Variants in MDM4 observed in about 807,000 individuals in gnomAD.
The protein encoded by MDM4 is MDM4 regulator of p53.
Under a neutral mutation model 60.2 loss-of-function variants are expected in MDM4, and 2 were observed. The ratio of observed to expected loss-of-function variants is 0.03; its 90% CI spans 0.01 to 0.10. The LOEUF (loss-of-function observed/expected upper bound fraction) is 0.10, where lower values mean the gene tolerates loss of function less well. MDM4 is among the 10% of genes least tolerant of loss of function. The pLI, the probability that MDM4 is intolerant of heterozygous loss-of-function variation, is 1.00. For missense variants in MDM4, 447 were observed against 577.5 expected (o/e 0.77, Z 2.32); for synonymous variants, 202 against 198.1 (o/e 1.02, Z -0.17).
rs1238036783 is a variant in MDM4, at chr1:204,556,194, C to G, written c.*6512C>G. 1.3e-5 allele frequency: 3 copies of G among 225,498 alleles called. No homozygotes were observed. Among genetic ancestry groups the G allele is most frequent in the Non-Finnish European group, 2.6e-5 (3 of 113,346 alleles). 14.0% of individuals were successfully genotyped at this position (225,498 alleles called of 1,614,324 possible). A position where few individuals can be genotyped will look rare whatever the true frequency, so the allele number is the denominator to read the frequency against. ...TGGATATTGCTTTTATACCAAAGAC[C>G]CTTATCAGCCCTTGTAACTACAGTA... On this transcript the variant is annotated 3_prime_UTR_variant, in exon 11 of 11. Coordinates refer to ENST00000367182, the MANE Select transcript of MDM4 (RefSeq NM_002393.5).
At chr1:204,547,765 C>T (rs565964673) in intron 10 of MDM4, among the ~76,000 whole-genome samples, 18 of 152,260 alleles carry the variant, frequency 1.2e-4, no homozygotes, top group Non-Finnish European at 2.4e-4. Context: ...CTCTTGTTGC[C>T]AAGGTTGGAA....
chr1:204,545,401 A>C (rs548499234), intron 9 of MDM4, among the ~76,000 whole-genome samples: 2 of 152,208 alleles, frequency 1.3e-5, no homozygotes, highest in Non-Finnish European at 2.9e-5. Context: ...GTACAGATGA[A>C]GAGTCATACA....
At chr1:204,541,637 A>G (rs1477292585) in intron 7 of MDM4, among the ~76,000 whole-genome samples, 1 of 152,104 alleles carries the variant, frequency 6.6e-6, no homozygotes, top group Non-Finnish European at 1.5e-5. Context: ...AGAATGACCT[A>G]TTTTCATTTC....
intron 3 of MDM4, among the ~76,000 whole-genome samples, chr1:204,528,112 A>G (rs1440797188): frequency 6.7e-6 from 1 of 148,756 alleles, no homozygotes; most frequent in African/African-American, 2.5e-5. Flanking sequence ...CTTTTATTGA[A>G]GCTTACAATT....
At chr1:204,517,797 C>G (rs1046549143) in intron 1 of MDM4, among the ~76,000 whole-genome samples, 19 of 152,032 alleles carry the variant, frequency 1.2e-4, no homozygotes, top group African/African-American at 4.6e-4. Context: ...CTTGGAACCT[C>G]TTGGTGTTAA....
chr1:204,521,591 A>G (rs918842602), intron 1 of MDM4, among the ~76,000 whole-genome samples: 3 of 152,174 alleles, frequency 2.0e-5, no homozygotes, highest in Admixed American at 6.6e-5. Flanking sequence ...CCAGATTTCA[A>G]GCACCTCCAA....
chr1:204,517,191 G>GA (rs1558305822), intron 1 of MDM4, among the ~76,000 whole-genome samples: 2 of 151,112 alleles, frequency 1.3e-5, no homozygotes, highest in African/African-American at 4.9e-5. Context: ...GCAGTGAGTC[G>GA]AGATCGCGCC....
chr1:204,543,141 A>T (rs887129307), intron 8 of MDM4, among the ~76,000 whole-genome samples, 197 bp downstream of exon 8: 2 of 152,166 alleles, frequency 1.3e-5, no homozygotes, highest in African/African-American at 4.8e-5. Flanking sequence ...TTCAGTTTCC[A>T]GATGCCTATT....
Position 204,551,268 on chromosome 1 carries a change from A to G in MDM4, c.*1586A>G, listed in dbSNP as rs981147770. 19 of 225,638 alleles carry G rather than the reference A, an allele frequency of 8.4e-5. No individual in the cohort carries two copies. Among genetic ancestry groups the G allele is most frequent in the Non-Finnish European group, 1.2e-4 (14 of 113,466 alleles). The allele number at this position is 225,638 out of a possible 1,614,324, so 14.0% of individuals were successfully genotyped here. ...GCCATGTTGCCCAGGCTGGTCCCAA[A>G]CTTCTAGCCTCAAGCAACCCTCCTG... On this transcript the variant is annotated 3_prime_UTR_variant, in exon 11 of 11. Coordinates refer to ENST00000367182, the MANE Select transcript of MDM4 (RefSeq NM_002393.5).
rs1663137597 is a variant in MDM4 at position 204,550,865 on chromosome 1, T to C, written c.*1183T>C. The C allele has an allele frequency of 5.6e-6, 1 of 179,098 alleles. No homozygotes were observed. The highest frequency in any genetic ancestry group is 2.4e-5 in the African/African-American group (1 of 42,300). The allele number at this position is 179,098 out of a possible 1,614,324, so 11.1% of individuals were successfully genotyped here. A position where few individuals can be genotyped will look rare whatever the true frequency, so the allele number is the denominator to read the frequency against. ...TATTTTTATGAAAGCCCTGGGACTA[T>C]AGATTTAGCTGATTAAATTTATAGA... On this transcript the variant is annotated 3_prime_UTR_variant, in exon 11 of 11. Transcript: ENST00000367182.
intron 7 of MDM4, among the ~76,000 whole-genome samples, chr1:204,539,088 C>G (rs1481540331): frequency 6.6e-6 from 1 of 152,058 alleles, no homozygotes; most frequent in Non-Finnish European, 1.5e-5. Context: ...AGGCTGGTCT[C>G]CAACTCCCGA....
chr1:204,539,038 T>C (rs1661735848), intron 7 of MDM4, among the ~76,000 whole-genome samples: 1 of 151,940 alleles, frequency 6.6e-6, no homozygotes, highest in South Asian at 2.1e-4. Context: ...CCCGGCTAAT[T>C]TTGTATTTTT....
intron 5 of MDM4, among the ~76,000 whole-genome samples, chr1:204,535,486 T>C (rs1057121870): frequency 6.6e-6 from 1 of 151,754 alleles, no homozygotes; most frequent in African/African-American, 2.4e-5. Context: ...AAATTGTCTC[T>C]CCAAATTTTC....
At chr1:204,544,708 TTGA>T (rs1196300110) in intron 9 of MDM4, 24 bp downstream of exon 9, 1 of 1,598,462 alleles carries the variant, frequency 6.3e-7, no homozygotes, top group Admixed American at 1.7e-5. Flanking sequence ...AAATTCCATG[TTGA>T]TTCTGTTTGT....
chr1:204,518,209 C>T (rs1659191549), intron 1 of MDM4, among the ~76,000 whole-genome samples: 1 of 152,174 alleles, frequency 6.6e-6, no homozygotes, highest in African/African-American at 2.4e-5. Flanking sequence ...AGTGGCTATT[C>T]ACAGGTGTGA....
intron 3 of MDM4, among the ~76,000 whole-genome samples, chr1:204,527,510 T>TG (rs1448768686): frequency 6.6e-6 from 1 of 151,900 alleles, no homozygotes; most frequent in East Asian, 1.9e-4. Flanking sequence ...AAAACTAGCT[T>TG]GGCATGGTTG....
At chr1:204,539,711 A>G (rs890715064) in intron 7 of MDM4, among the ~76,000 whole-genome samples, 1 of 151,452 alleles carries the variant, frequency 6.6e-6, no homozygotes, top group Non-Finnish European at 1.5e-5. Flanking sequence ...TAATTTTTGT[A>G]TTCTTAGTAG....
chr1:204,519,502 C>T (rs1240468655), intron 1 of MDM4, among the ~76,000 whole-genome samples: 21 of 151,866 alleles, frequency 1.4e-4, no homozygotes, highest in Non-Finnish European at 4.4e-5. Flanking sequence ...AGCGAAACTC[C>T]GTCTCAAAAA....
chr1:204,544,815 A>G, intron 9 of MDM4, 131 bp downstream of exon 9: 1 of 892,100 alleles, frequency 1.1e-6, no homozygotes, highest in East Asian at 2.8e-5. Context: ...TAATTTTTCA[A>G]TCCAATTTTA....
Sources: gnomAD v4.1 joint callset for allele counts (sites outside exome capture counted in the v4.1 genomes callset) on GRCh38, gnomAD v4.1.1 for gene constraint, MANE v1.5 for transcripts, NCBI Gene and HGNC (gene_info 2026-07-23, HGNC 2026-07-21) for gene names.